The following NAPG variants were observed in gnomAD, a reference collection of about 807,000 sequenced individuals.
The protein encoded by NAPG is NSF attachment protein gamma.
In NAPG, 25 loss-of-function variants were observed where a neutral mutation model predicts 48.4. The ratio of observed to expected loss-of-function variants is 0.52; its 90% CI spans 0.38 to 0.72. NAPG has a LOEUF of 0.72. Among genes scored for constraint, NAPG ranks in the 30% least tolerant of loss-of-function variants. The pLI, the probability that NAPG is intolerant of heterozygous loss-of-function variation, is 0.00. For synonymous variants in NAPG, 139 were observed against 127.2 expected (o/e 1.09, Z -0.62); for missense variants, 359 against 372.5 (o/e 0.96, Z 0.30).
rs556623535 is a variant in NAPG, at chr18:10,532,231, T to C, written c.125-480T>C. ...AAGATTGTTTTTTTAAAAAAATGCA[T>C]TGTTAGACATTTAAAGATTGTGCCA... On this transcript the variant is annotated intron_variant, in intron 2 of 11. Coordinates refer to ENST00000322897, the MANE Select transcript of NAPG (RefSeq NM_003826.3). Among the ~76,000 whole-genome samples the C allele has an allele frequency of 4.6e-5, 7 of 152,292 alleles. No homozygotes were observed. In the South Asian group the frequency reaches 1.2e-3, roughly 27 times the overall value.
At chr18:10,530,692 T>C (rs1271593397) in intron 1 of NAPG, 78 bp from the exon 2 acceptor site, 1 of 774,184 alleles carries the variant, frequency 1.3e-6, no homozygotes, top group African/African-American at 1.8e-5. Context: ...TTTAAAGACC[T>C]AGAAGGTCAT....
Position 10,550,438 on chromosome 18 carries a change from C to G in NAPG, c.*218C>G. 2.3e-6 allele frequency: 1 copy of G among 432,916 alleles called. No homozygotes were observed. The highest frequency in any genetic ancestry group is 3.4e-5 in the South Asian group (1 of 29,200). 26.8% of individuals were successfully genotyped at this position (432,916 alleles called of 1,614,324 possible). The stretch of plus-strand genomic sequence containing the variant: ...TTTCCATAAGAGCTTTTCTAAGACA[C>G]CAGCAGGAATTAACAGAAAATGTAC... On this transcript the variant is annotated 3_prime_UTR_variant, in exon 12 of 12. Transcript: ENST00000322897.
In NAPG at chr18:10,534,078, TG is replaced by T. The variant is rs1274114849; in HGVS notation, c.228-386del. Among the ~76,000 whole-genome samples the T allele has an allele frequency of 1.3e-5, 2 of 152,022 alleles. No homozygotes were observed. The highest frequency in any genetic ancestry group is 2.9e-5 in the Non-Finnish European group (2 of 67,988). On this transcript the variant is annotated intron_variant, in intron 4 of 11. Transcript: ENST00000322897. The surrounding 1 kb of genome is among the most constrained non-coding windows in gnomAD (Gnocchi z 5.0). ...AGGAGACTTGCTTGAACCTGGGAGA[TG>T]GAGGTTGCAGTGAGCTGAGATCGTG...
At position 10,544,292 on chromosome 18, in the gene NAPG, G is replaced by A; in HGVS notation, c.507-2034G>A. Among the ~76,000 whole-genome samples the A allele has an allele frequency of 6.6e-6, 1 of 152,218 alleles. No individual in the cohort carries two copies. On this transcript the variant is annotated intron_variant, in intron 8 of 11. Coordinates refer to ENST00000322897, the MANE Select transcript of NAPG (RefSeq NM_003826.3). The surrounding 1 kb of genome is among the most constrained non-coding windows in gnomAD (Gnocchi z 5.1). ...ACAGTTTCATGAGGCCAGAAGTCTG[G>A]ATACAGTGTAGCTAGGTCCTAGTGT... is the stretch of plus-strand genomic sequence containing the variant.
chr18:10,548,820 C>T lies in NAPG; in HGVS notation c.666-147C>T. 1 of 974,178 alleles carries T rather than the reference C, an allele frequency of 1.0e-6. No individual in the cohort carries two copies. Among genetic ancestry groups the T allele is most frequent in the Non-Finnish European group, 1.5e-6 (1 of 674,966 alleles). 60.3% of individuals were successfully genotyped at this position (974,178 alleles called of 1,614,324 possible). A position where few individuals can be genotyped will look rare whatever the true frequency, so the allele number is the denominator to read the frequency against. The stretch of plus-strand genomic sequence containing the variant: ...GGCTGGTTAGCGGGATCCCCGGTCT[C>T]TGCCCTCTAGATGCCACTAGCATTC... On this transcript the variant is annotated intron_variant, in intron 10 of 11. Transcript: ENST00000322897. The surrounding 1 kb of genome is among the most constrained non-coding windows in gnomAD (Gnocchi z 4.4).
At position 10,542,524 on chromosome 18, in the gene NAPG, T is replaced by C. The variant is rs2032177470; in HGVS notation, c.506+2125T>C. On this transcript the variant is annotated intron_variant, in intron 8 of 11. Coordinates refer to ENST00000322897, the MANE Select transcript of NAPG (RefSeq NM_003826.3). This position sits in a 1 kb window ranked among gnomAD's most constrained non-coding sequence, Gnocchi z 4.5. ...ATTATTGAGATGATTTATGTGATAA[T>C]TGAAAATATTAACTATGTGCTTAGA... is the stretch of plus-strand genomic sequence containing the variant. 6.6e-6 allele frequency among the ~76,000 whole-genome samples: 1 copy of C among 152,188 alleles called. No individual in the cohort carries two copies. The highest frequency in any genetic ancestry group is 2.1e-4 in the South Asian group (1 of 4,832).
At chr18:10,535,044 A>G (rs1218776446) in intron 5 of NAPG, among the ~76,000 whole-genome samples, 4 of 152,272 alleles carry the variant, frequency 2.6e-5, no homozygotes, top group Non-Finnish European at 5.9e-5. Context: ...GTGGTGAGAC[A>G]GAACATACTA....
chr18:10,542,043 A>G lies in NAPG; in HGVS notation c.506+1644A>G, dbSNP rs2032168304. 6.6e-6 allele frequency among the ~76,000 whole-genome samples: 1 copy of G among 152,194 alleles called. No individual in the cohort carries two copies. The highest frequency in any genetic ancestry group is 2.4e-5 in the African/African-American group (1 of 41,450). The stretch of plus-strand genomic sequence containing the variant: ...TCCTCAAAACATTACCAGTGTTGCC[A>G]GTCGGTTTGGACACATCTGATGAAA... On this transcript the variant is annotated intron_variant, in intron 8 of 11. Transcript: ENST00000322897. This position sits in a 1 kb window ranked among gnomAD's most constrained non-coding sequence, Gnocchi z 4.5.
chr18:10,546,915 T>C lies in NAPG; in HGVS notation c.585+511T>C, dbSNP rs1301776139. Among the ~76,000 whole-genome samples the C allele has an allele frequency of 1.3e-5, 2 of 152,184 alleles. No homozygotes were observed. Among genetic ancestry groups the C allele is most frequent in the Admixed American group, 1.3e-4 (2 of 15,278 alleles). On this transcript the variant is annotated intron_variant, in intron 9 of 11. Coordinates refer to ENST00000322897, the MANE Select transcript of NAPG (RefSeq NM_003826.3). This position sits in a 1 kb window ranked among gnomAD's most constrained non-coding sequence, Gnocchi z 4.0. ...CAGGCATGGAGCTACACTGTGATGA[T>C]GGCTCAGGTTGATAAAACTCCACAA...
intron 1 of NAPG, among the ~76,000 whole-genome samples, chr18:10,527,920 T>G (rs989054791): frequency 6.6e-6 from 1 of 152,204 alleles, no homozygotes; most frequent in Non-Finnish European, 1.5e-5. Context: ...GCCCTGTCGC[T>G]CATGCCTGTA....
At position 10,548,598 on chromosome 18, in the gene NAPG, CTTTAGTCAT is replaced by C. The variant is rs2143151000; in HGVS notation, c.665+234_665+242del. ...AGGGGACCTCCATGGAAGTGAATGA[CTTTAGTCAT>C]TTTAGTCATTTTATTTGCCTTCTAA... is the stretch of plus-strand genomic sequence containing the variant. On this transcript the variant is annotated intron_variant, in intron 10 of 11. Coordinates refer to ENST00000322897, the MANE Select transcript of NAPG (RefSeq NM_003826.3). This position sits in a 1 kb window ranked among gnomAD's most constrained non-coding sequence, Gnocchi z 4.4. 6.7e-6 allele frequency among the ~76,000 whole-genome samples: 1 copy of C among 148,496 alleles called. No homozygotes were observed. The highest frequency in any genetic ancestry group is 2.0e-4 in the East Asian group (1 of 5,086).
In NAPG at chr18:10,532,748, A is replaced by G. The variant is rs953999329; in HGVS notation, c.162A>G (p.Ala54=). The change falls in exon 3 of 12, where the codon GCA becomes GCG. Residue 54 remains alanine, a synonymous_variant. Transcript: ENST00000322897. ...AFKNAKQFEQ[A]KDACLREAVA... ...AAAATGCCAAACAGTTTGAGCAAGC[A>G]AAAGATGCCTGCCTGAGGGAAGCTG... The G allele has an allele frequency of 3.1e-6, 5 of 1,593,554 alleles. No homozygotes were observed. The African/African-American group carries it at 5.4e-5, about 17-fold the overall frequency.
In NAPG at chr18:10,542,300, G is replaced by T. The variant is rs890423320; in HGVS notation, c.506+1901G>T. The stretch of plus-strand genomic sequence containing the variant: ...CTACTGTGCTCAACAAAAATGTTAT[G>T]GAAATATATTTTTGAAGTGTATTAA... On this transcript the variant is annotated intron_variant, in intron 8 of 11. Coordinates refer to ENST00000322897, the MANE Select transcript of NAPG (RefSeq NM_003826.3). This position sits in a 1 kb window ranked among gnomAD's most constrained non-coding sequence, Gnocchi z 4.5. Among the ~76,000 whole-genome samples the T allele has an allele frequency of 1.7e-4, 26 of 151,462 alleles. No homozygotes were observed. The highest frequency in any genetic ancestry group is 6.1e-4 in the African/African-American group (25 of 41,202).
intron 3 of NAPG, chr18:10,533,047 C>T (rs1258168768): frequency 5.2e-6 from 2 of 387,660 alleles, no homozygotes; most frequent in African/African-American, 2.1e-5. Context: ...GATGGTTTTA[C>T]TTGGGATGAA....
rs1279059231 is a variant in NAPG at position 10,546,051 on chromosome 18, AGTC to A, written c.507-274_507-272del. Reference sequence around the variant, plus strand: ...GAAGTCGTGACACTCGCTATTGGACAGTCCTTACTAAGCTTAAAACTCCCCGTT... The same window carrying A: ...GAAGTCGTGACACTCGCTATTGGACACTTACTAAGCTTAAAACTCCCCGTT... On this transcript the variant is annotated intron_variant, in intron 8 of 11. Coordinates refer to ENST00000322897, the MANE Select transcript of NAPG (RefSeq NM_003826.3). This position sits in a 1 kb window ranked among gnomAD's most constrained non-coding sequence, Gnocchi z 4.0. 6.6e-6 allele frequency among the ~76,000 whole-genome samples: 1 copy of A among 152,242 alleles called. No individual in the cohort carries two copies. Among genetic ancestry groups the A allele is most frequent in the East Asian group, 1.9e-4 (1 of 5,188 alleles).
rs2031798304 is a variant in NAPG at position 10,526,029 on chromosome 18, A to G, written c.-74A>G. ...CTTCCTCCTCGGCGTTCCCACGCCT[A>G]TTTGGGCGGATTCTTGGCGCCGGAG... On this transcript the variant is annotated 5_prime_UTR_variant, in exon 1 of 12. Transcript: ENST00000322897. 1.2e-5 allele frequency: 18 copies of G among 1,456,162 alleles called. No individual in the cohort carries two copies. The highest frequency in any genetic ancestry group is 1.5e-5 in the Non-Finnish European group (16 of 1,040,394). The allele number at this position is 1,456,162 out of a possible 1,614,324, so 90.2% of individuals were successfully genotyped here.
chr18:10,528,838 C>G (rs2031871795), intron 1 of NAPG, among the ~76,000 whole-genome samples: 1 of 152,100 alleles, frequency 6.6e-6, no homozygotes, highest in African/African-American at 2.4e-5. Flanking sequence ...GACAGAGTTA[C>G]TCAGTGGGTG....
At chr18:10,547,691 C>G (rs1351183567) in intron 9 of NAPG, among the ~76,000 whole-genome samples, 1 of 152,090 alleles carries the variant, frequency 6.6e-6, no homozygotes, top group Non-Finnish European at 1.5e-5. Context: ...AAAGATAGAT[C>G]AGTAAAAGTT....
In NAPG at chr18:10,534,647, A is replaced by T. The variant is rs1051943614; in HGVS notation, c.258+151A>T. ...TTCTGTCCACGGTAACGTTAATTGG[A>T]CCCATAGAATACATTCTGTACGTCT... is the stretch of plus-strand genomic sequence containing the variant. On this transcript the variant is annotated intron_variant, in intron 5 of 11. Coordinates refer to ENST00000322897, the MANE Select transcript of NAPG (RefSeq NM_003826.3). This position sits in a 1 kb window ranked among gnomAD's most constrained non-coding sequence, Gnocchi z 5.0. Among the ~76,000 whole-genome samples the T allele has an allele frequency of 2.6e-5, 4 of 152,198 alleles. No individual in the cohort carries two copies. The highest frequency in any genetic ancestry group is 9.7e-5 in the African/African-American group (4 of 41,444).
Sources: allele counts gnomAD v4.1 joint callset (sites outside exome capture counted in the v4.1 genomes callset), GRCh38; gene constraint gnomAD v4.1.1; non-coding constraint Gnocchi (gnomAD v3.1); transcripts MANE v1.5; gene names NCBI Gene and HGNC (gene_info 2026-07-23, HGNC 2026-07-21).